Variants in ROR2 observed in about 807,000 individuals in gnomAD.
The protein encoded by ROR2 is ROR family WNT receptor 2.
A neutral mutation model predicts 74.9 loss-of-function variants in ROR2; 33 were observed. That is an observed-to-expected ratio of 0.44 (90% confidence interval 0.33 to 0.59). The LOEUF is 0.59. Among genes scored for constraint, ROR2 ranks in the 20% least tolerant of loss-of-function variants. The pLI, the probability that ROR2 is intolerant of heterozygous loss-of-function variation, is 0.02. For missense variants in ROR2, 1,216 were observed against 1,313.8 expected (o/e 0.93, Z 1.15); for synonymous variants, 586 against 558.7 (o/e 1.05, Z -0.69).
intron 1 of ROR2, among the ~76,000 whole-genome samples, chr9:91,801,867 T>C (rs1827390584): frequency 6.6e-6 from 1 of 152,166 alleles, no homozygotes; most frequent in South Asian, 2.1e-4. Context: ...AGCATGAGCT[T>C]GGCAAGGCAG....
chr9:91,760,623 G>A lies in ROR2; in HGVS notation c.176-3064C>T, dbSNP rs374161779. 2.3e-3 allele frequency among the ~76,000 whole-genome samples: 343 copies of A among 146,110 alleles called. 1 individual carries two copies. Among genetic ancestry groups the A allele is most frequent in the African/African-American group, 8.1e-3 (320 of 39,398 alleles). ...CACTCCGGCCTGGGTGACAGAGCGAGACTCTGTCTCAAAAAAAAAAAAAAA... is the reference window on the plus strand; with the variant it reads ...CACTCCGGCCTGGGTGACAGAGCGAAACTCTGTCTCAAAAAAAAAAAAAAA... On this transcript the variant is annotated intron_variant, in intron 2 of 8. Transcript: ENST00000375708.
intron 1 of ROR2, among the ~76,000 whole-genome samples, chr9:91,851,363 AAAAAG>A (rs1255811650): frequency 1.3e-5 from 2 of 151,682 alleles, no homozygotes; most frequent in South Asian, 2.1e-4. Flanking sequence ...CAAAAAAAAA[AAAAAG>A]AAAAGAAAAG....
At chr9:91,834,442 G>T (rs184863156) in intron 1 of ROR2, among the ~76,000 whole-genome samples, 3 of 152,316 alleles carry the variant, frequency 2.0e-5, no homozygotes, top group African/African-American at 7.2e-5. Context: ...CATCAATCCT[G>T]AACTCAGCCT....
At chr9:91,771,713 C>G (rs571307972) in intron 2 of ROR2, among the ~76,000 whole-genome samples, 2 of 140,550 alleles carry the variant, frequency 1.4e-5, no homozygotes, top group Non-Finnish European at 3.1e-5. Context: ...TCTCTCTCTC[C>G]TCTCTCTCTT....
At chr9:91,851,075 G>A (rs911981271) in intron 1 of ROR2, among the ~76,000 whole-genome samples, 2 of 152,218 alleles carry the variant, frequency 1.3e-5, no homozygotes, top group Admixed American at 6.5e-5. Flanking sequence ...GATTCCGGCC[G>A]GGCGCGGTGG....
intron 1 of ROR2, among the ~76,000 whole-genome samples, chr9:91,862,045 C>G (rs760706253): frequency 6.6e-6 from 1 of 152,018 alleles, no homozygotes; most frequent in Non-Finnish European, 1.5e-5. Context: ...AGAAGAAGGC[C>G]GGGCATGGTG....
intron 1 of ROR2, among the ~76,000 whole-genome samples, chr9:91,827,369 C>T (rs538266377): frequency 3.3e-5 from 5 of 152,060 alleles, no homozygotes; most frequent in South Asian, 4.2e-4. Flanking sequence ...AGAGATCACA[C>T]CATTGCACTC....
intron 4 of ROR2, among the ~76,000 whole-genome samples, chr9:91,740,587 T>A (rs1235498826): frequency 1.3e-5 from 2 of 150,780 alleles, no homozygotes; most frequent in Non-Finnish European, 1.5e-5. Flanking sequence ...TATATATATA[T>A]ATACATATAT....
At chr9:91,779,467 T>C (rs1826540723) in intron 1 of ROR2, among the ~76,000 whole-genome samples, 1 of 149,742 alleles carries the variant, frequency 6.7e-6, no homozygotes, top group Non-Finnish European at 1.5e-5. Flanking sequence ...GCCTCCCGGG[T>C]CCAAGCGATT....
At chr9:91,873,953 C>G (rs985599121) in intron 1 of ROR2, among the ~76,000 whole-genome samples, 20 of 152,132 alleles carry the variant, frequency 1.3e-4, no homozygotes, top group Admixed American at 6.5e-4. Flanking sequence ...ACTAAGAGAG[C>G]AGATTAAAGG....
At chr9:91,726,931 G>A (rs1000377833) in intron 7 of ROR2, among the ~76,000 whole-genome samples, 188 bp from the exon 8 acceptor site, 23 of 152,100 alleles carry the variant, frequency 1.5e-4, no homozygotes, top group East Asian at 5.8e-4. Flanking sequence ...ATGCACACCC[G>A]GCTGCATCCT....
At chr9:91,771,626 C>T (rs1826229139) in intron 2 of ROR2, among the ~76,000 whole-genome samples, 1 of 152,192 alleles carries the variant, frequency 6.6e-6, no homozygotes, top group South Asian at 2.1e-4. Context: ...AACTTTTCAT[C>T]TGTAAATCAC....
intron 1 of ROR2, among the ~76,000 whole-genome samples, chr9:91,909,842 G>GTTTGTTT (rs1830913290): frequency 1.8e-5 from 1 of 55,974 alleles, no homozygotes. Flanking sequence ...TTTTAGGTTT[G>GTTTGTTT]TTTTGTTTTT....
At position 91,819,753 on chromosome 9, in the gene ROR2, CTG is replaced by C. The variant is rs937312319; in HGVS notation, c.98-43937_98-43936del. 4.0e-5 allele frequency among the ~76,000 whole-genome samples: 6 copies of C among 150,822 alleles called. No individual in the cohort carries two copies. In the East Asian group the frequency reaches 5.8e-4, roughly 15 times the overall value. ...ATGTATCTGTGTGTCATTCAATATT[CTG>C]TGTGTGTGTCTCAGTGTTCTGTGTG... On this transcript the variant is annotated intron_variant, in intron 1 of 8. Coordinates refer to ENST00000375708, the MANE Select transcript of ROR2 (RefSeq NM_004560.4).
rs527459766 is a variant in ROR2, at chr9:91,915,949, G to C, written c.97+33918C>G. Among the ~76,000 whole-genome samples, 12 of 152,314 alleles carry C rather than the reference G, an allele frequency of 7.9e-5. No individual in the cohort carries two copies. In the South Asian group the frequency reaches 2.5e-3, roughly 32 times the overall value. On this transcript the variant is annotated intron_variant, in intron 1 of 8. Coordinates refer to ENST00000375708, the MANE Select transcript of ROR2 (RefSeq NM_004560.4). ...AGCTGGCTTCACCTCTCAAAATGAG[G>C]GGCAGGCGAGGCAAAGACCAAGTTC...
At chr9:91,889,942 G>T (rs973818925) in intron 1 of ROR2, among the ~76,000 whole-genome samples, 8 of 152,130 alleles carry the variant, frequency 5.3e-5, no homozygotes, top group African/African-American at 1.9e-4. Context: ...CGGGGAGGGG[G>T]TTACCATTCC....
chr9:91,835,754 A>C (rs1183768478), intron 1 of ROR2, among the ~76,000 whole-genome samples: 1 of 152,156 alleles, frequency 6.6e-6, no homozygotes, highest in Non-Finnish European at 1.5e-5. Flanking sequence ...GGAAGGGTGC[A>C]CCTGTGGAGC....
chr9:91,886,075 A>G (rs531083142), intron 1 of ROR2, among the ~76,000 whole-genome samples: 29 of 151,958 alleles, frequency 1.9e-4, no homozygotes, highest in African/African-American at 6.8e-4. Flanking sequence ...GGATTTCACC[A>G]TGTTGGTCAG....
chr9:91,811,561 C>T (rs1319003863), intron 1 of ROR2, among the ~76,000 whole-genome samples: 1 of 152,234 alleles, frequency 6.6e-6, no homozygotes, highest in Non-Finnish European at 1.5e-5. Flanking sequence ...AAGCACTCAT[C>T]ACCTGCTAGT....
Sources: allele counts gnomAD v4.1 joint callset (sites outside exome capture counted in the v4.1 genomes callset), GRCh38; gene constraint gnomAD v4.1.1; transcripts MANE v1.5; gene names NCBI Gene and HGNC (gene_info 2026-07-23, HGNC 2026-07-21).